Variants in CALN1 observed in about 807,000 individuals in gnomAD.
CALN1 encodes the protein calneuron 1.
A neutral mutation model predicts 30.6 loss-of-function variants in CALN1; 17 were observed. That is an observed-to-expected ratio of 0.56 (90% CI 0.38 to 0.83). The LOEUF (loss-of-function observed/expected upper bound fraction) is 0.83. CALN1 is among the 40% of genes least tolerant of loss of function. The probability of loss-of-function intolerance (pLI) is 0.00; values close to 1 mark genes in which losing one functional copy is unlikely to be tolerated. For synonymous variants in CALN1, 156 were observed against 131.4 expected, an observed-to-expected ratio of 1.19 and a Z score of -1.28; for missense variants, 291 against 354.9, an observed-to-expected ratio of 0.82 and a Z score of 1.45.
At chr7:71,887,205 T>G (rs932117094) in intron 5 of CALN1, among the ~76,000 whole-genome samples, 1 of 152,168 alleles carries the variant, frequency 6.6e-6, no homozygotes, top group African/African-American at 2.4e-5. Flanking sequence ...CATCAGGATC[T>G]TGAAACTCAT....
intron 3 of CALN1, among the ~76,000 whole-genome samples, chr7:72,140,288 G>C (rs909958783): frequency 7.1e-6 from 1 of 140,304 alleles, no homozygotes; most frequent in Non-Finnish European, 1.5e-5. Flanking sequence ...GAGAGAGAGA[G>C]AGAGAGAGAG....
Position 72,371,825 on chromosome 7 carries a change from G to A in CALN1, c.119+31426C>T, listed in dbSNP as rs902558812. The stretch of plus-strand genomic sequence containing the variant: ...ATCAATTCAGTAGTCTTCCATTTCT[G>A]GGTAAGATAAAGTAAGCATGTTCCA... On this transcript the variant is annotated intron_variant, in intron 2 of 6. Coordinates refer to ENST00000395275, the MANE Select transcript of CALN1 (RefSeq NM_031468.4). 2.0e-5 allele frequency among the ~76,000 whole-genome samples: 3 copies of A among 152,168 alleles called. No individual in the cohort carries two copies. In the East Asian group the frequency reaches 5.8e-4, roughly 29 times the overall value.
intron 2 of CALN1, among the ~76,000 whole-genome samples, chr7:72,331,642 C>T (rs1361398620): frequency 6.6e-6 from 1 of 152,094 alleles, no homozygotes; most frequent in Non-Finnish European, 1.5e-5. Context: ...CACAGAATAT[C>T]TATTTATTTA....
chr7:72,103,413 G>A (rs557797490), intron 4 of CALN1: 7 of 153,042 alleles, frequency 4.6e-5, no homozygotes, highest in African/African-American at 1.7e-4. Context: ...GGCATATGAA[G>A]GGGCGTAGTA....
intron 4 of CALN1, among the ~76,000 whole-genome samples, chr7:72,047,517 A>C (rs1584821740): frequency 1.3e-5 from 2 of 152,302 alleles, no homozygotes; most frequent in South Asian, 2.1e-4. Context: ...TGAGCCCAGG[A>C]CTTAGAGACT....
chr7:71,871,518 A>C (rs36068297), intron 5 of CALN1, among the ~76,000 whole-genome samples: 37,448 of 151,958 alleles, frequency 0.25, 4,958 homozygotes, highest in African/African-American at 0.32. Context: ...AGGCTGAGTC[A>C]GGAGGATCAC....
chr7:72,323,389 T>A (rs2129557440), intron 2 of CALN1, among the ~76,000 whole-genome samples: 1 of 152,278 alleles, frequency 6.6e-6, no homozygotes, highest in South Asian at 2.1e-4. Context: ...TGGTCCACCC[T>A]ATAGCAGTGG....
chr7:71,790,949 C>G (rs1001334198), intron 6 of CALN1, among the ~76,000 whole-genome samples: 13 of 152,056 alleles, frequency 8.5e-5, no homozygotes, highest in African/African-American at 3.1e-4. Context: ...AAGAAGACTG[C>G]GTAGCAAAAG....
intron 1 of CALN1, among the ~76,000 whole-genome samples, chr7:72,420,723 A>G (rs1317327541): frequency 6.8e-6 from 1 of 147,918 alleles, no homozygotes; most frequent in African/African-American, 2.5e-5. Context: ...TCCCGGGTTC[A>G]CGCCATTCTC....
chr7:72,120,828 T>C (rs890504194), intron 3 of CALN1, among the ~76,000 whole-genome samples: 4 of 152,022 alleles, frequency 2.6e-5, no homozygotes, highest in African/African-American at 7.2e-5. Flanking sequence ...TGCAGGGTGA[T>C]CGTGGGATGG....
At chr7:72,312,254 A>G (rs1489213276) in intron 2 of CALN1, among the ~76,000 whole-genome samples, 1 of 152,008 alleles carries the variant, frequency 6.6e-6, no homozygotes. Context: ...AAATACAAGA[A>G]TTAGCAGGGT....
chr7:72,224,514 T>A (rs1247700239), intron 3 of CALN1, among the ~76,000 whole-genome samples: 1 of 152,210 alleles, frequency 6.6e-6, no homozygotes, highest in African/African-American at 2.4e-5. Flanking sequence ...CCAGACATGG[T>A]GGCTCACGTC....
Position 72,231,287 on chromosome 7 carries a change from C to T in CALN1, c.244+47399G>A, listed in dbSNP as rs115055612. 2.6e-3 allele frequency among the ~76,000 whole-genome samples: 402 copies of T among 152,294 alleles called. 3 individuals are homozygous for T. Among genetic ancestry groups the T allele is most frequent in the African/African-American group, 9.2e-3 (381 of 41,558 alleles). On this transcript the variant is annotated intron_variant, in intron 3 of 6. Coordinates refer to ENST00000395275, the MANE Select transcript of CALN1 (RefSeq NM_031468.4). ...TTTCCTAATGCTCTCCCTCCCCCAACGCCCCTGTCCAACAGGCCCCAGTGT... is the reference window on the plus strand; with the variant it reads ...TTTCCTAATGCTCTCCCTCCCCCAATGCCCCTGTCCAACAGGCCCCAGTGT...
chr7:71,834,158 G>T (rs1789458584), intron 5 of CALN1, among the ~76,000 whole-genome samples: 1 of 144,184 alleles, frequency 6.9e-6, no homozygotes. Flanking sequence ...GGAGGCAAAG[G>T]TTGCAGTGAG....
intron 5 of CALN1, among the ~76,000 whole-genome samples, chr7:71,981,756 T>C (rs1798407077): frequency 6.6e-6 from 1 of 152,018 alleles, no homozygotes; most frequent in Non-Finnish European, 1.5e-5. Context: ...AGGGTGGAAC[T>C]ACCTACCTCT....
At chr7:72,419,524 G>A (rs1259820429) in intron 1 of CALN1, among the ~76,000 whole-genome samples, 1 of 152,098 alleles carries the variant, frequency 6.6e-6, no homozygotes, top group Non-Finnish European at 1.5e-5. Flanking sequence ...GAATACGGGT[G>A]TCCCAGAAAC....
intron 2 of CALN1, among the ~76,000 whole-genome samples, chr7:72,342,272 A>AT (rs1287693862): frequency 6.6e-6 from 1 of 151,784 alleles, no homozygotes; most frequent in Non-Finnish European, 1.5e-5. Context: ...AAAAAAAAAA[A>AT]AAAATCAGAA....
chr7:72,284,282 G>T (rs1797923474), intron 2 of CALN1, among the ~76,000 whole-genome samples: 1 of 152,156 alleles, frequency 6.6e-6, no homozygotes, highest in Admixed American at 6.6e-5. Flanking sequence ...GCAACAGAGG[G>T]AGACCTTGTC....
chr7:71,785,499 T>G lies in CALN1; in HGVS notation c.*2276A>C, dbSNP rs1792940199. The G allele has an allele frequency of 6.6e-6, 1 of 152,230 alleles. No individual in the cohort carries two copies. The highest frequency in any genetic ancestry group is 1.5e-5 in the Non-Finnish European group (1 of 68,058). 9.4% of individuals were successfully genotyped at this position (152,230 alleles called of 1,614,324 possible). Reference sequence around the variant, plus strand: ...TTCTGCCCTGAAGACCAGCCTCAGCTGCAGCATTTCAGTCCCCTCTCATGG... The same window carrying G: ...TTCTGCCCTGAAGACCAGCCTCAGCGGCAGCATTTCAGTCCCCTCTCATGG... On this transcript the variant is annotated 3_prime_UTR_variant, in exon 7 of 7. Coordinates refer to ENST00000395275, the MANE Select transcript of CALN1 (RefSeq NM_031468.4).
Sources: gnomAD v4.1 joint callset for allele counts (sites outside exome capture counted in the v4.1 genomes callset) on GRCh38, gnomAD v4.1.1 for gene constraint, MANE v1.5 for transcripts, NCBI Gene and HGNC (gene_info 2026-07-23, HGNC 2026-07-21) for gene names.